LINGO2: variants seen among roughly 807,000 people sequenced by gnomAD.
The protein encoded by LINGO2 is leucine-rich repeat and immunoglobulin-like domain-containing nogo receptor-interacting protein 2.
In LINGO2, 14 loss-of-function variants were observed where a neutral mutation model predicts 30.6. The observed-to-expected ratio is 0.46, with a 90% CI of 0.30 to 0.72. The LOEUF (loss-of-function observed/expected upper bound fraction) is 0.72. LINGO2 is among the 30% of genes least tolerant of loss of function. LINGO2 has a pLI of 0.07. For synonymous variants in LINGO2, 317 were observed against 288.5 expected (o/e 1.10, Z -1.00); for missense variants, 729 against 751.7 (o/e 0.97, Z 0.35).
At chr9:29,164,025 T>C in the LINGO2 span, among the ~76,000 whole-genome samples, 6 of 151,946 alleles carry the variant, frequency 3.9e-5, no homozygotes, top group Non-Finnish European at 8.8e-5. Context: ...ACACTTACAC[T>C]TTGTTTTCTT....
At chr9:28,237,015 AG>A (rs1821591989) in intron 4 of LINGO2, among the ~76,000 whole-genome samples, 1 of 151,444 alleles carries the variant, frequency 6.6e-6, no homozygotes. Context: ...TTTATATACA[AG>A]TACTATGTAC....
At chr9:28,478,160 G>A (rs376853132) in intron 1 of LINGO2, among the ~76,000 whole-genome samples, 4 of 152,082 alleles carry the variant, frequency 2.6e-5, no homozygotes, top group East Asian at 1.9e-4. Context: ...GTCAAATAGC[G>A]CTGAAGTAAG....
the LINGO2 span, among the ~76,000 whole-genome samples, chr9:28,855,157 G>T: frequency 0.095 from 14,411 of 151,862 alleles, 772 homozygotes; most frequent in African/African-American, 0.13. Context: ...TCCATGTTTT[G>T]CAAGATGGTT....
At chr9:27,945,519 G>A (rs1823331705), downstream of LINGO2, among the ~76,000 whole-genome samples, 2 of 152,156 alleles carry the variant, frequency 1.3e-5, no homozygotes, top group Non-Finnish European at 2.9e-5. Context: ...AGAGTGGAAT[G>A]AAAACCAACT....
chr9:29,047,051 A>AAAAAAAAAAAAAAC, the LINGO2 span, among the ~76,000 whole-genome samples: 328 of 106,844 alleles, frequency 3.1e-3, 28 homozygotes, highest in African/African-American at 0.01. Flanking sequence ...AAAAAAAAAA[A>AAAAAAAAAAAAAAC]CCAAAAACAA....
intron 1 of LINGO2, among the ~76,000 whole-genome samples, chr9:28,481,729 C>G (rs1825973629): frequency 6.6e-6 from 1 of 152,186 alleles, no homozygotes; most frequent in East Asian, 1.9e-4. Context: ...CCCACTAACT[C>G]ATCATCTAGC....
the LINGO2 span, among the ~76,000 whole-genome samples, chr9:29,010,013 A>G: frequency 6.6e-6 from 1 of 152,060 alleles, no homozygotes; most frequent in Admixed American, 6.6e-5. Context: ...TCCTTACACC[A>G]TATACAAAAA....
the LINGO2 span, among the ~76,000 whole-genome samples, chr9:28,898,071 C>A: frequency 6.6e-6 from 1 of 152,028 alleles, no homozygotes; most frequent in Non-Finnish European, 1.5e-5. Context: ...TGACCTCTAC[C>A]CTTCAAAACC....
At chr9:28,307,109 C>T (rs4463520) in intron 3 of LINGO2, among the ~76,000 whole-genome samples, 14,819 of 151,804 alleles carry the variant, frequency 0.098, 933 homozygotes, top group Middle Eastern at 0.26. Context: ...TACCAAAGCC[C>T]GGCAGAGACA....
At chr9:28,230,318 C>T (rs1446036636) in intron 4 of LINGO2, among the ~76,000 whole-genome samples, 1 of 151,788 alleles carries the variant, frequency 6.6e-6, no homozygotes, top group African/African-American at 2.4e-5. Flanking sequence ...CAGAAAGTAA[C>T]AGTGTTGGCA....
intron 4 of LINGO2, among the ~76,000 whole-genome samples, chr9:28,168,208 T>C (rs1173775543): frequency 6.6e-6 from 1 of 152,230 alleles, no homozygotes; most frequent in African/African-American, 2.4e-5. Context: ...AAGCCAGATC[T>C]ACTCCCGGAT....
At chr9:28,517,039 G>A (rs900884531) in intron 1 of LINGO2, among the ~76,000 whole-genome samples, 83 of 152,308 alleles carry the variant, frequency 5.4e-4, no homozygotes, top group Non-Finnish European at 9.6e-4. Flanking sequence ...ACAACTTGGC[G>A]AATATCACTT....
At chr9:28,543,320 C>T (rs952580417) in intron 1 of LINGO2, among the ~76,000 whole-genome samples, 1 of 152,076 alleles carries the variant, frequency 6.6e-6, no homozygotes, top group Admixed American at 6.6e-5. Flanking sequence ...AATAGCATAT[C>T]TCTGGAACCA....
chr9:29,026,698 T>G, the LINGO2 span, among the ~76,000 whole-genome samples: 1 of 152,164 alleles, frequency 6.6e-6, no homozygotes, highest in Admixed American at 6.6e-5. Flanking sequence ...CTTCTTTGTT[T>G]AATCTTCACT....
At chr9:29,038,021 GTATT>G in the LINGO2 span, among the ~76,000 whole-genome samples, 2 of 151,960 alleles carry the variant, frequency 1.3e-5, no homozygotes, top group Non-Finnish European at 2.9e-5. Flanking sequence ...ACTTCATAAA[GTATT>G]TATGTTGATG....
the LINGO2 span, among the ~76,000 whole-genome samples, chr9:28,677,015 C>T: frequency 4.6e-5 from 7 of 152,130 alleles, no homozygotes; most frequent in South Asian, 6.2e-4. Flanking sequence ...AAAATAATAG[C>T]GATAATTAAC....
the LINGO2 span, among the ~76,000 whole-genome samples, chr9:28,938,707 T>C: frequency 6.6e-6 from 1 of 152,174 alleles, no homozygotes; most frequent in African/African-American, 2.4e-5. Context: ...CTACACCATA[T>C]AGGTGCAGAC....
chr9:28,195,701 C>G (rs1243516049), intron 4 of LINGO2, among the ~76,000 whole-genome samples: 4 of 151,286 alleles, frequency 2.6e-5, no homozygotes, highest in Admixed American at 2.6e-4. Context: ...AAACATCTCC[C>G]CATTCCAATA....
At position 28,581,469 on chromosome 9, in the gene LINGO2, C is replaced by T. The variant is rs147602057; in HGVS notation, c.-365+88731G>A. Among the ~76,000 whole-genome samples the T allele has an allele frequency of 3.8e-3, 581 of 150,944 alleles. 8 individuals are homozygous for T. Among genetic ancestry groups the T allele is most frequent in the African/African-American group, 0.014 (557 of 41,190 alleles). ...TTTGATTTTTTTAAAAAGGAAAATC[C>T]AAAGGTCTAAACCCAAGATTCATGT... On this transcript the variant is annotated intron_variant, in intron 1 of 5. Transcript: ENST00000379992.
Sources: gnomAD v4.1 joint callset for allele counts (sites outside exome capture counted in the v4.1 genomes callset) on GRCh38, gnomAD v4.1.1 for gene constraint, MANE v1.5 for transcripts, NCBI Gene and HGNC (gene_info 2026-07-23, HGNC 2026-07-21) for gene names.